RPH3AL: variants seen among roughly 807,000 people sequenced by gnomAD.
RPH3AL encodes the protein rab effector Noc2.
In RPH3AL, 38 loss-of-function variants were observed where a neutral mutation model predicts 43.1. The observed-to-expected ratio is 0.88, with a 90% CI of 0.68 to 1.15. The LOEUF (loss-of-function observed/expected upper bound fraction) is 1.15, where lower values mean the gene tolerates loss of function less well. RPH3AL is among the 50% of genes most tolerant of loss of function. The pLI is 0.00. For synonymous variants in RPH3AL, 189 were observed against 176.3 expected (o/e 1.07, Z -0.57); for missense variants, 462 against 423.2 (o/e 1.09, Z -0.81).
intron 8 of RPH3AL, 81 bp downstream of exon 8, chr17:219,542 T>TTTTTTTTTTGTTG: frequency 2.7e-6 from 1 of 374,904 alleles, no homozygotes; most frequent in East Asian, 4.5e-5. Flanking sequence ...TTTTTTTTTT[T>TTTTTTTTTTGTTG]GAGATGGAGT....
Position 226,270 on chromosome 17 carries a change from A to C in RPH3AL, c.614-6534T>G, listed in dbSNP as rs142546506. Among the ~76,000 whole-genome samples, 458 of 152,108 alleles carry C rather than the reference A, an allele frequency of 3.0e-3. 2 individuals carry two copies. Among genetic ancestry groups the C allele is most frequent in the Non-Finnish European group, 5.0e-3 (339 of 68,000 alleles). On this transcript the variant is annotated intron_variant, in intron 7 of 9. Coordinates refer to ENST00000331302, the MANE Select transcript of RPH3AL (RefSeq NM_006987.4). The stretch of plus-strand genomic sequence containing the variant: ...CCTCAGATGCCAACTGAGCTCACAC[A>C]GGTGACACAGCAGGCGCCAGGAAGC...
At chr17:319,353 A>G (rs1199420445) in intron 5 of RPH3AL, 67 bp downstream of exon 5, 1 of 1,563,932 alleles carries the variant, frequency 6.4e-7, no homozygotes, top group African/African-American at 1.3e-5. Flanking sequence ...CAGGATGCAA[A>G]GCCACAGCGC....
intron 7 of RPH3AL, among the ~76,000 whole-genome samples, chr17:239,637 T>G (rs1236599374): frequency 6.6e-6 from 1 of 152,150 alleles, no homozygotes; most frequent in Non-Finnish European, 1.5e-5. Flanking sequence ...TTGTTTTGTT[T>G]TTTTGAGAGA....
chr17:317,507 C>T (rs565595864), intron 5 of RPH3AL, among the ~76,000 whole-genome samples: 3 of 149,228 alleles, frequency 2.0e-5, no homozygotes, highest in Non-Finnish European at 4.5e-5. Flanking sequence ...CCTGTAGTCC[C>T]TGTGCCCCCA....
At chr17:320,272 C>A (rs12942758) in intron 4 of RPH3AL, among the ~76,000 whole-genome samples, 26,128 of 146,076 alleles carry the variant, frequency 0.18, 3,610 homozygotes, top group Admixed American at 0.31. Flanking sequence ...ATGGGACCAG[C>A]GAAGGCTCTC....
chr17:291,788 G>T (rs377750375), intron 5 of RPH3AL, among the ~76,000 whole-genome samples: 3 of 152,124 alleles, frequency 2.0e-5, no homozygotes, highest in African/African-American at 7.2e-5. Flanking sequence ...AAGCTGTTAA[G>T]TTAAAAAAAG....
Position 273,563 on chromosome 17 carries a change from CAGCGAGGG to C in RPH3AL, c.438+8197_438+8204del. 2.9e-5 allele frequency among the ~76,000 whole-genome samples: 4 copies of C among 136,334 alleles called. 2 individuals are homozygous for C. Among genetic ancestry groups the C allele is most frequent in the Non-Finnish European group, 3.2e-5 (2 of 62,976 alleles). The allele number at this position is 136,334 out of a possible 152,430, so 89.4% of individuals were successfully genotyped here. ...CGAGGGTGACGTCAGGGAGAGACCC[CAGCGAGGG>C]TGACGTCAGGGTGAGACCCCGGCGA... is the stretch of plus-strand genomic sequence containing the variant. On this transcript the variant is annotated intron_variant, in intron 6 of 9. Coordinates refer to ENST00000331302, the MANE Select transcript of RPH3AL (RefSeq NM_006987.4).
At chr17:272,967 T>TGAGACCCCAGCGAGGGCGACGTCAGGGA (rs1567604361) in intron 6 of RPH3AL, among the ~76,000 whole-genome samples, 1 of 50,456 alleles carries the variant, frequency 2.0e-5, no homozygotes, top group African/African-American at 9.0e-5. Flanking sequence ...TACGTCAGGG[T>TGAGACCCCAGCGAGGGCGACGTCAGGGA]GAGACCCCAG....
chr17:235,068 C>T (rs1254823771), intron 7 of RPH3AL, among the ~76,000 whole-genome samples: 4 of 151,394 alleles, frequency 2.6e-5, no homozygotes, highest in Non-Finnish European at 4.4e-5. Context: ...GCTCGGTGGG[C>T]GGAGGCTCTT....
intron 6 of RPH3AL, among the ~76,000 whole-genome samples, chr17:276,455 G>A (rs1001310698): frequency 4.6e-5 from 7 of 152,174 alleles, no homozygotes; most frequent in African/African-American, 1.7e-4. Flanking sequence ...GCAGTGGCAC[G>A]ATCTCAGCCC....
At chr17:258,122 G>A (rs1365200765) in intron 6 of RPH3AL, among the ~76,000 whole-genome samples, 2 of 152,238 alleles carry the variant, frequency 1.3e-5, no homozygotes, top group Admixed American at 6.5e-5. Context: ...CCCCTGTACG[G>A]ATGGATCACG....
intron 6 of RPH3AL, among the ~76,000 whole-genome samples, chr17:257,863 C>T (rs374050299): frequency 2.3e-3 from 27 of 11,804 alleles, no homozygotes; most frequent in African/African-American, 7.8e-3. Flanking sequence ...TGAGGGGAGC[C>T]GCACGGTGTC....
At chr17:238,415 G>A (rs2041452886) in intron 7 of RPH3AL, among the ~76,000 whole-genome samples, 1 of 150,580 alleles carries the variant, frequency 6.6e-6, no homozygotes, top group Admixed American at 6.7e-5. Flanking sequence ...CAGCTCTGGA[G>A]GTTGAAGAGA....
At chr17:331,786 T>C in intron 2 of RPH3AL, 1 of 1,289,170 alleles carries the variant, frequency 7.8e-7, no homozygotes, top group Non-Finnish European at 1.0e-6. Context: ...AGTCTGACCC[T>C]TCTCTCTTAA....
intron 2 of RPH3AL, chr17:332,137 G>A (rs896461783): frequency 1.9e-4 from 67 of 345,236 alleles, no homozygotes; most frequent in African/African-American, 1.3e-3. Flanking sequence ...AGCTCTGCGG[G>A]GAGCAGACAC....
intron 5 of RPH3AL, among the ~76,000 whole-genome samples, chr17:297,810 A>G (rs2151632467): frequency 6.6e-6 from 1 of 152,294 alleles, no homozygotes; most frequent in East Asian, 1.9e-4. Flanking sequence ...GTCACAGGTC[A>G]GGGCTGATGT....
At chr17:345,595 G>A (rs1176342588) in intron 1 of RPH3AL, among the ~76,000 whole-genome samples, 1 of 133,936 alleles carries the variant, frequency 7.5e-6, no homozygotes, top group African/African-American at 2.6e-5. Flanking sequence ...GTGCCCTGAG[G>A]CTGAGAAGTG....
At chr17:267,264 G>A (rs550312899) in intron 6 of RPH3AL, among the ~76,000 whole-genome samples, 35 of 152,324 alleles carry the variant, frequency 2.3e-4, no homozygotes, top group African/African-American at 8.2e-4. Context: ...ACTGGCACGC[G>A]GCATGAAATC....
At chr17:228,444 G>A (rs1313566424) in intron 7 of RPH3AL, among the ~76,000 whole-genome samples, 2 of 152,110 alleles carry the variant, frequency 1.3e-5, no homozygotes, top group Non-Finnish European at 2.9e-5. Flanking sequence ...TAACGCGTTC[G>A]GCATCTGGCC....
Sources: allele counts gnomAD v4.1 joint callset (sites outside exome capture counted in the v4.1 genomes callset), GRCh38; gene constraint gnomAD v4.1.1; transcripts MANE v1.5; gene names NCBI Gene and HGNC (gene_info 2026-07-23, HGNC 2026-07-21).